MBOAT1: variants seen among roughly 807,000 people sequenced by gnomAD.
The protein encoded by MBOAT1 is membrane-bound glycerophospholipid O-acyltransferase 1.
In MBOAT1, 67 loss-of-function variants were observed where a neutral mutation model predicts 64.4. That is an observed-to-expected ratio of 1.04 (90% confidence interval 0.85 to 1.27). The LOEUF (loss-of-function observed/expected upper bound fraction) is 1.27. Among genes scored for constraint, MBOAT1 ranks in the 50% most tolerant of loss-of-function variants. The pLI is 0.00. For synonymous variants in MBOAT1, 229 were observed against 218.9 expected, an observed-to-expected ratio of 1.05 and a Z score of -0.41; for missense variants, 563 against 604.6, an observed-to-expected ratio of 0.93 and a Z score of 0.72.
At chr6:20,165,667 C>A (rs1052779729) in intron 1 of MBOAT1, among the ~76,000 whole-genome samples, 39 of 151,774 alleles carry the variant, frequency 2.6e-4, no homozygotes, top group African/African-American at 8.7e-4. Flanking sequence ...CGCTTGCACC[C>A]AGGAGGCGGA....
At chr6:20,166,636 G>A (rs1009634253) in intron 1 of MBOAT1, among the ~76,000 whole-genome samples, 1 of 152,112 alleles carries the variant, frequency 6.6e-6, no homozygotes, top group Non-Finnish European at 1.5e-5. Context: ...GGCCAAATCA[G>A]TGTCATTCAA....
intron 4 of MBOAT1, among the ~76,000 whole-genome samples, chr6:20,137,063 C>A (rs779951970): frequency 6.6e-6 from 1 of 152,048 alleles, no homozygotes; most frequent in Admixed American, 6.5e-5. Context: ...AGCTGAACAT[C>A]TTTATGAATA....
intron 1 of MBOAT1, among the ~76,000 whole-genome samples, chr6:20,198,364 C>A (rs1485289086): frequency 1.3e-5 from 2 of 152,206 alleles, no homozygotes; most frequent in African/African-American, 2.4e-5. Context: ...ACCCTTGGTA[C>A]TTTCCGTTGA....
At chr6:20,122,669 A>AT (rs969193773) in intron 8 of MBOAT1, among the ~76,000 whole-genome samples, 1 of 152,038 alleles carries the variant, frequency 6.6e-6, no homozygotes, top group Non-Finnish European at 1.5e-5. Flanking sequence ...ATGGGGAGTT[A>AT]TTTTTTACTG....
chr6:20,204,441 G>C (rs529382097), intron 1 of MBOAT1, among the ~76,000 whole-genome samples: 16 of 152,344 alleles, frequency 1.1e-4, no homozygotes, highest in African/African-American at 3.8e-4. Flanking sequence ...ATGCCTCTCA[G>C]AGTCAGGCAG....
At chr6:20,210,109 T>C (rs1013743767) in intron 1 of MBOAT1, among the ~76,000 whole-genome samples, 1 of 152,232 alleles carries the variant, frequency 6.6e-6, no homozygotes, top group Non-Finnish European at 1.5e-5. Context: ...AGGACCCTGA[T>C]ACAAGAACCT....
intron 1 of MBOAT1, among the ~76,000 whole-genome samples, chr6:20,179,547 C>T (rs73384472): frequency 0.017 from 2,581 of 152,232 alleles, 72 homozygotes; most frequent in African/African-American, 0.059. Flanking sequence ...TTTCTTTATC[C>T]AGTCTATCCA....
chr6:20,106,022 C>T (rs1031405414), intron 12 of MBOAT1, among the ~76,000 whole-genome samples: 3 of 152,264 alleles, frequency 2.0e-5, no homozygotes, highest in East Asian at 1.9e-4. Context: ...CACCTAACAA[C>T]GAAGTACAAG....
intron 12 of MBOAT1, among the ~76,000 whole-genome samples, chr6:20,109,286 G>A (rs549975440): frequency 1.6e-4 from 25 of 152,266 alleles, no homozygotes; most frequent in African/African-American, 6.0e-4. Context: ...AAAGAGCTAA[G>A]GGCAGCAAAT....
chr6:20,165,397 G>GCT (rs1324769876), intron 1 of MBOAT1, among the ~76,000 whole-genome samples: 1 of 152,142 alleles, frequency 6.6e-6, no homozygotes, highest in African/African-American at 2.4e-5. Flanking sequence ...CTGCAGAGGG[G>GCT]CTATGAGAAA....
At position 20,109,767 on chromosome 6, in the gene MBOAT1, C is replaced by T; in HGVS notation, c.1210-18G>A. On this transcript the variant is annotated intron_variant, in intron 11 of 12. Transcript: ENST00000324607. ...TTCCTGACCTGCAGGCCAACACAGG[C>T]AACAGTAGTGAGGAGGGGGTGAAAA... The T allele has an allele frequency of 6.2e-7, 1 of 1,608,874 alleles. No homozygotes were observed. Among genetic ancestry groups the T allele is most frequent in the Non-Finnish European group, 8.5e-7 (1 of 1,176,014 alleles).
chr6:20,124,235 G>A (rs1760583803), intron 8 of MBOAT1, among the ~76,000 whole-genome samples, 173 bp downstream of exon 8: 1 of 152,154 alleles, frequency 6.6e-6, no homozygotes. Context: ...TGAGTTTATG[G>A]AGGGTGGGAG....
intron 1 of MBOAT1, among the ~76,000 whole-genome samples, chr6:20,189,437 T>C (rs1762743124): frequency 6.6e-6 from 1 of 152,156 alleles, no homozygotes; most frequent in Non-Finnish European, 1.5e-5. Flanking sequence ...TTGCCCAGGC[T>C]GGAGTGCAGT....
chr6:20,173,015 G>A (rs1762244530), intron 1 of MBOAT1, among the ~76,000 whole-genome samples: 1 of 152,096 alleles, frequency 6.6e-6, no homozygotes, highest in African/African-American at 2.4e-5. Flanking sequence ...ACAAGATCTG[G>A]TTGTTTGGAA....
At chr6:20,150,938 C>T (rs1465829415) in intron 3 of MBOAT1, among the ~76,000 whole-genome samples, 2 of 151,980 alleles carry the variant, frequency 1.3e-5, no homozygotes, top group Non-Finnish European at 2.9e-5. Flanking sequence ...CGGGCTGTCA[C>T]AAATAGAGCA....
At chr6:20,117,285 A>C (rs1278338971) in intron 9 of MBOAT1, among the ~76,000 whole-genome samples, 1 of 152,200 alleles carries the variant, frequency 6.6e-6, no homozygotes, top group African/African-American at 2.4e-5. Context: ...AGTGGCCCTC[A>C]ATTAATATCT....
intron 1 of MBOAT1, among the ~76,000 whole-genome samples, chr6:20,189,267 C>T (rs896502665): frequency 2.0e-5 from 3 of 152,180 alleles, no homozygotes; most frequent in African/African-American, 7.2e-5. Flanking sequence ...ACTTACTCTT[C>T]AGTTGAATAA....
chr6:20,132,714 T>C lies in MBOAT1; in HGVS notation c.420-1515A>G, dbSNP rs566327120. Among the ~76,000 whole-genome samples, 59 of 152,328 alleles carry C rather than the reference T, an allele frequency of 3.9e-4. 1 individual carries two copies. The highest frequency in any genetic ancestry group is 1.4e-3 in the African/African-American group (58 of 41,574). ...ACAATAAAAGAAAAAGTAGATTAAA[T>C]GAATATCATTAGAATTTAAATGTTT... On this transcript the variant is annotated intron_variant, in intron 4 of 12. Transcript: ENST00000324607.
At chr6:20,116,887 G>A (rs999472755) in intron 9 of MBOAT1, among the ~76,000 whole-genome samples, 72 of 152,290 alleles carry the variant, frequency 4.7e-4, no homozygotes, top group African/African-American at 1.6e-3. Flanking sequence ...CCTAAAGGAC[G>A]TTTACCCAAC....
Sources: gnomAD v4.1 joint callset for allele counts (sites outside exome capture counted in the v4.1 genomes callset) on GRCh38, gnomAD v4.1.1 for gene constraint, MANE v1.5 for transcripts, NCBI Gene and HGNC (gene_info 2026-07-23, HGNC 2026-07-21) for gene names.